Variants in TPRG1 observed in about 807,000 individuals in gnomAD.
The protein encoded by TPRG1 is tumor protein p63-regulated gene 1 protein.
A neutral mutation model predicts 29.3 loss-of-function variants in TPRG1; 29 were observed. The ratio of observed to expected loss-of-function variants is 0.99; its 90% confidence interval spans 0.74 to 1.35. TPRG1 has a LOEUF of 1.35. Among genes scored for constraint, TPRG1 ranks in the 40% most tolerant of loss-of-function variants. TPRG1 has a pLI of 0.00. For missense variants in TPRG1, 327 were observed against 335.0 expected, an observed-to-expected ratio of 0.98 and a Z score of 0.19; for synonymous variants, 130 against 116.8, an observed-to-expected ratio of 1.11 and a Z score of -0.73.
intron 1 of TPRG1, among the ~76,000 whole-genome samples, chr3:189,174,178 T>C (rs1729183120): frequency 6.6e-6 from 1 of 152,214 alleles, no homozygotes; most frequent in Non-Finnish European, 1.5e-5. Flanking sequence ...GAGAATTCAT[T>C]TACTCCAGAG....
chr3:189,025,695 G>C (rs1458837815), intron 4 of TPRG1, among the ~76,000 whole-genome samples: 1 of 152,202 alleles, frequency 6.6e-6, no homozygotes, highest in African/African-American at 2.4e-5. Flanking sequence ...GTAACTTGCT[G>C]ACACTGAGAG....
At chr3:189,052,247 A>G (rs1463656119) in intron 4 of TPRG1, among the ~76,000 whole-genome samples, 2 of 152,224 alleles carry the variant, frequency 1.3e-5, no homozygotes, top group Admixed American at 6.5e-5. Context: ...TCAGTGAGAT[A>G]AAAACAAACA....
intron 4 of TPRG1, among the ~76,000 whole-genome samples, chr3:189,281,817 A>C (rs1379253802): frequency 1.3e-5 from 2 of 151,966 alleles, no homozygotes; most frequent in Non-Finnish European, 2.9e-5. Flanking sequence ...TTCTTCTTTT[A>C]CTCCAAGGTC....
intron 4 of TPRG1, among the ~76,000 whole-genome samples, chr3:189,246,821 A>G (rs992279024): frequency 4.3e-4 from 65 of 152,284 alleles, no homozygotes; most frequent in African/African-American, 1.5e-3. Context: ...TTGTTCCACC[A>G]TTGCTTGGCT....
intron 4 of TPRG1, among the ~76,000 whole-genome samples, chr3:189,243,219 T>A (rs545996203): frequency 1.3e-5 from 2 of 152,138 alleles, no homozygotes; most frequent in African/African-American, 4.8e-5. Context: ...GCATCTTGCA[T>A]AGTGGGAGCA....
chr3:189,169,854 A>C (rs887538341), upstream of TPRG1, among the ~76,000 whole-genome samples: 3 of 152,212 alleles, frequency 2.0e-5, no homozygotes, highest in Admixed American at 2.0e-4. Context: ...CCCAGTGAGC[A>C]GCTGAGCAGG....
intron 4 of TPRG1, among the ~76,000 whole-genome samples, chr3:189,306,533 T>C (rs1721651322): frequency 6.6e-6 from 1 of 152,192 alleles, no homozygotes; most frequent in Non-Finnish European, 1.5e-5. Flanking sequence ...CCAGTGATTC[T>C]GGTGTTTTTC....
At chr3:189,314,929 A>G (rs181923073) in intron 5 of TPRG1, among the ~76,000 whole-genome samples, 1 of 152,238 alleles carries the variant, frequency 6.6e-6, no homozygotes, top group African/African-American at 2.4e-5. Flanking sequence ...AGACCAGCCT[A>G]GGCAACAGAG....
chr3:189,286,726 A>G (rs1285225120), intron 4 of TPRG1, among the ~76,000 whole-genome samples: 1 of 152,146 alleles, frequency 6.6e-6, no homozygotes, highest in Non-Finnish European at 1.5e-5. Flanking sequence ...CAAAGAGAGA[A>G]TAAGGTACAG....
chr3:189,107,899 A>AT (rs1201384957), intron 1 of TPRG1, among the ~76,000 whole-genome samples: 17 of 151,970 alleles, frequency 1.1e-4, no homozygotes, highest in Non-Finnish European at 2.1e-4. Flanking sequence ...ATAATGTAGT[A>AT]TTTTTTCTCA....
At chr3:189,196,577 C>T (rs1265500914) in intron 1 of TPRG1, among the ~76,000 whole-genome samples, 1 of 152,070 alleles carries the variant, frequency 6.6e-6, no homozygotes, top group Non-Finnish European at 1.5e-5. Flanking sequence ...TCTCGTGATA[C>T]TTACTCACTA....
At chr3:189,060,749 A>C (rs934589200) in intron 4 of TPRG1, among the ~76,000 whole-genome samples, 5 of 152,172 alleles carry the variant, frequency 3.3e-5, no homozygotes, top group African/African-American at 1.2e-4. Flanking sequence ...AAGGTAAAAT[A>C]TCTCTACAAT....
chr3:189,072,719 A>G (rs1187612905), intron 4 of TPRG1, among the ~76,000 whole-genome samples: 1 of 152,128 alleles, frequency 6.6e-6, no homozygotes, highest in African/African-American at 2.4e-5. Context: ...CCCAAGATCC[A>G]TTGGTTGTTT....
At chr3:189,253,305 G>A (rs1288327836) in intron 4 of TPRG1, among the ~76,000 whole-genome samples, 3 of 152,106 alleles carry the variant, frequency 2.0e-5, no homozygotes, top group African/African-American at 7.2e-5. Context: ...TGTGGTGTTT[G>A]GAACCACTCA....
chr3:189,175,828 C>G (rs116643400), intron 1 of TPRG1, among the ~76,000 whole-genome samples: 104 of 152,246 alleles, frequency 6.8e-4, no homozygotes, highest in African/African-American at 2.4e-3. Flanking sequence ...GTCTATTCCT[C>G]TGGGTTATCT....
At chr3:189,177,276 G>A (rs941254693) in intron 1 of TPRG1, among the ~76,000 whole-genome samples, 3 of 152,004 alleles carry the variant, frequency 2.0e-5, no homozygotes, top group Non-Finnish European at 4.4e-5. Flanking sequence ...TTTTGAAGGA[G>A]TATTAGGAGC....
At chr3:189,130,515 T>C (rs1722988907) in intron 2 of TPRG1, among the ~76,000 whole-genome samples, 1 of 152,230 alleles carries the variant, frequency 6.6e-6, no homozygotes, top group Non-Finnish European at 1.5e-5. Flanking sequence ...GGTCAAAACG[T>C]AGCAGATTAT....
chr3:189,241,125 G>T (rs1056958696), intron 4 of TPRG1, among the ~76,000 whole-genome samples: 1 of 152,094 alleles, frequency 6.6e-6, no homozygotes, highest in Non-Finnish European at 1.5e-5. Flanking sequence ...TTCTAGAAGT[G>T]GAATTTTTAG....
At chr3:189,178,116 A>G (rs144934080) in intron 1 of TPRG1, among the ~76,000 whole-genome samples, 1 of 152,332 alleles carries the variant, frequency 6.6e-6, no homozygotes, top group Non-Finnish European at 1.5e-5. Flanking sequence ...GGAATTGGAG[A>G]TTGTGAATAT....
Sources: gnomAD v4.1 joint callset for allele counts (sites outside exome capture counted in the v4.1 genomes callset) on GRCh38, gnomAD v4.1.1 for gene constraint, MANE v1.5 for transcripts, NCBI Gene and HGNC (gene_info 2026-07-23, HGNC 2026-07-21) for gene names.